BTNL9: variants seen among roughly 807,000 people sequenced by gnomAD.
The protein encoded by BTNL9 is butyrophilin like 9, also known as butyrophilin-like protein 9.
BTNL9 carries 45 observed loss-of-function variants against 45.8 expected under a neutral mutation model. The observed-to-expected ratio is 0.98, with a 90% CI of 0.77 to 1.26. The LOEUF (loss-of-function observed/expected upper bound fraction) is 1.26. BTNL9 is among the 50% of genes most tolerant of loss of function. BTNL9 has a pLI of 0.00. For synonymous variants in BTNL9, 346 were observed against 330.8 expected, an observed-to-expected ratio of 1.05 and a Z score of -0.50; for missense variants, 784 against 729.7, an observed-to-expected ratio of 1.07 and a Z score of -0.86.
intron 2 of BTNL9, among the ~76,000 whole-genome samples, chr5:181,047,207 C>G (rs945116093): frequency 1.3e-5 from 2 of 152,114 alleles, no homozygotes; most frequent in Non-Finnish European, 2.9e-5. Flanking sequence ...AGCAGCAACT[C>G]TCATGGGAAC....
chr5:181,045,498 C>T lies in BTNL9; in HGVS notation c.9C>T (p.Asp3=), dbSNP rs28677846. Residue 3 remains aspartate (D), a synonymous_variant, in exon 2 of 11, where the codon GAC becomes GAT. Transcript: ENST00000327705. ...CCCACTGCTGACGAGAGATGGTGGA[C>T]CTCTCAGTCTCCCCAGACTCCTTGA... MV[D]LSVSPDSLKP... 0.51 allele frequency: 815,484 copies of T among 1,589,746 alleles called. 212,764 individuals are homozygous for T. The highest frequency in any genetic ancestry group is 0.61 in the African/African-American group (45,033 of 74,238).
chr5:181,059,005 A>T (rs1762021494), intron 10 of BTNL9: 1 of 287,058 alleles, frequency 3.5e-6, no homozygotes, highest in South Asian at 1.3e-4. Flanking sequence ...GAATTCAGGG[A>T]CCTTCCAGTT....
chr5:181,044,093 G>A (rs192014232), intron 1 of BTNL9, among the ~76,000 whole-genome samples: 12 of 152,282 alleles, frequency 7.9e-5, no homozygotes, highest in East Asian at 1.9e-4. Flanking sequence ...CAGCCCATGC[G>A]CCTCACAGGC....
Position 181,055,763 on chromosome 5 carries a change from T to A in BTNL9, c.929-226T>A. The A allele has an allele frequency of 1.4e-6, 1 of 712,206 alleles. No homozygotes were observed. Among genetic ancestry groups the A allele is most frequent in the Non-Finnish European group, 2.5e-6 (1 of 393,634 alleles). The allele number at this position is 712,206 out of a possible 1,614,324, so 44.1% of individuals were successfully genotyped here. On this transcript the variant is annotated intron_variant, in intron 8 of 10. Coordinates refer to ENST00000327705, the MANE Select transcript of BTNL9 (RefSeq NM_152547.5). This position sits in a 1 kb window ranked among gnomAD's most constrained non-coding sequence, Gnocchi z 4.4. ...CAGCCTGGGCGACAGAGCGAGACTC[T>A]GTCTCAAAAAAAAAAAGAACTATTT... is the stretch of plus-strand genomic sequence containing the variant.
chr5:181,055,880 A>C lies in BTNL9; in HGVS notation c.929-109A>C. On this transcript the variant is annotated intron_variant, in intron 8 of 10. Coordinates refer to ENST00000327705, the MANE Select transcript of BTNL9 (RefSeq NM_152547.5). The surrounding 1 kb of genome is among the most constrained non-coding windows in gnomAD (Gnocchi z 4.4). ...TGCCCAGGCAGGACCCCTGCTGGCT[A>C]TGTGGGTGGTGGGGGGTGCGGGACA... 1 of 1,265,246 alleles carries C rather than the reference A, an allele frequency of 7.9e-7. No homozygotes were observed. Among genetic ancestry groups the C allele is most frequent in the Non-Finnish European group, 1.2e-6 (1 of 861,992 alleles). The allele number at this position is 1,265,246 out of a possible 1,614,324, so 78.4% of individuals were successfully genotyped here. A position where few individuals can be genotyped will look rare whatever the true frequency, so the allele number is the denominator to read the frequency against.
chr5:181,059,437 C>T lies in BTNL9; in HGVS notation c.1183C>T (p.Arg395Cys). The change falls in exon 11 of 11, where the codon CGC (arginine) becomes TGC (cysteine). Residue 395 changes from arginine to cysteine, a missense_variant. Transcript: ENST00000327705. The stretch of plus-strand genomic sequence containing the variant: ...GGAGGTGCACGTGGGCCGCCGCAGC[C>T]GCTGGTTCCTGGGCGCCTGCCTGGC... The part of the protein sequence containing the change: ...YWEVHVGRRS[R>C]WFLGACLAAV... 1 of 1,474,666 alleles carries T rather than the reference C, an allele frequency of 6.8e-7. No homozygotes were observed. Among genetic ancestry groups the T allele is most frequent in the East Asian group, 2.9e-5 (1 of 33,902 alleles). 91.3% of individuals were successfully genotyped at this position (1,474,666 alleles called of 1,614,324 possible).
chr5:181,051,052 C>A (rs1272494830), intron 4 of BTNL9, among the ~76,000 whole-genome samples: 1 of 146,956 alleles, frequency 6.8e-6, no homozygotes, highest in South Asian at 2.2e-4. Flanking sequence ...GCACTCCAGC[C>A]TGGGCAACAG....
Position 181,059,258 on chromosome 5 carries a change from C to A in BTNL9, c.1004C>A (p.Ala335Asp). 1 of 1,563,276 alleles carries A rather than the reference C, an allele frequency of 6.4e-7. No homozygotes were observed. Reference sequence around the variant, plus strand: ...GCAGTGGATGTGACGCTGGACCCGGCCTCGGCGCACCCCAGCCTGGAGGTG... The same window carrying A: ...GCAGTGGATGTGACGCTGGACCCGGACTCGGCGCACCCCAGCCTGGAGGTG... ...KYAVDVTLDP[A>D]SAHPSLEVSE... Residue 335 changes from alanine to aspartate, a missense_variant, in exon 11 of 11, where the codon GCC becomes GAC. Transcript: ENST00000327705.
Position 181,045,573 on chromosome 5 carries a change from C to G in BTNL9, c.84C>G (p.Leu28=), listed in dbSNP as rs201199198. The G allele has an allele frequency of 1.6e-5, 26 of 1,612,626 alleles. No homozygotes were observed. Among genetic ancestry groups the G allele is most frequent in the Non-Finnish European group, 2.2e-5 (26 of 1,179,332 alleles). The change falls in exon 2 of 11, where the codon CTC becomes CTG. Residue 28 remains leucine, a synonymous_variant. Transcript: ENST00000327705. ...TTGTCTTCCTCATGCACCTCCTCCT[C>G]CTTCAGCCTGGGGAGCCGAGCTCAG... ...SSLVFLMHLL[L]LQPGEPSSEV... is the part of the protein sequence containing the mutation.
chr5:181,045,152 C>T (rs1423997783), intron 1 of BTNL9, among the ~76,000 whole-genome samples: 2 of 152,216 alleles, frequency 1.3e-5, no homozygotes, highest in Admixed American at 1.3e-4. Flanking sequence ...TGAGCCCCCA[C>T]ACATTGTGTG....
chr5:181,051,588 G>C (rs901465271), intron 4 of BTNL9, among the ~76,000 whole-genome samples: 1 of 152,148 alleles, frequency 6.6e-6, no homozygotes, highest in African/African-American at 2.4e-5. Context: ...ACAACTTGGA[G>C]CCACGCAGCT....
intron 1 of BTNL9, among the ~76,000 whole-genome samples, chr5:181,043,700 T>C (rs1039453475): frequency 1.3e-5 from 2 of 152,206 alleles, no homozygotes; most frequent in Non-Finnish European, 2.9e-5. Flanking sequence ...CTCTAACCTG[T>C]GTCTAGAATC....
intron 2 of BTNL9, among the ~76,000 whole-genome samples, chr5:181,047,080 T>C (rs7709346): frequency 0.59 from 90,105 of 151,970 alleles, 27,536 homozygotes; most frequent in African/African-American, 0.74. Flanking sequence ...AAGAGAGCTT[T>C]GGGATGGAGT....
Position 181,059,793 on chromosome 5 carries a change from CG to C in BTNL9, c.1540del (p.Glu514LysfsTer76). ...PLPVRGTGVPEENDSDTWLQP... is the reference protein window; with the variant it reads ...PLPVRGTGVPXENDSDTWLQP... Reference sequence around the variant, plus strand: ...TGCCGGTTAGAGGGACGGGCGTCCCCGAAGAGAACGACAGTGACACCTGGCT... The same window carrying C: ...TGCCGGTTAGAGGGACGGGCGTCCCCAAGAGAACGACAGTGACACCTGGCT... On this transcript the variant is annotated frameshift_variant, in exon 11 of 11. Coordinates refer to ENST00000327705, the MANE Select transcript of BTNL9 (RefSeq NM_152547.5). LOFTEE classifies it low-confidence loss of function (END_TRUNC). 1 of 1,604,046 alleles carries C rather than the reference CG, an allele frequency of 6.2e-7. No individual in the cohort carries two copies. The highest frequency in any genetic ancestry group is 8.5e-7 in the Non-Finnish European group (1 of 1,178,772).
rs768657173 is a variant in BTNL9 at position 181,049,880 on chromosome 5, C to T, written c.455-208C>T. Among the ~76,000 whole-genome samples the T allele has an allele frequency of 2.6e-5, 4 of 152,258 alleles. 1 individual carries two copies. Among genetic ancestry groups the T allele is most frequent in the Non-Finnish European group, 5.9e-5 (4 of 68,048 alleles). The stretch of plus-strand genomic sequence containing the variant: ...CCCCTTCACATTTCCAAATGTCCCT[C>T]AGGGGCATTACTGTCCCCACATGCT... On this transcript the variant is annotated intron_variant, in intron 3 of 10. Coordinates refer to ENST00000327705, the MANE Select transcript of BTNL9 (RefSeq NM_152547.5).
rs769879741 is a variant in BTNL9 at position 181,050,292 on chromosome 5, G to A, written c.659G>A (p.Gly220Glu). 2.5e-6 allele frequency: 4 copies of A among 1,614,120 alleles called. No homozygotes were observed. Among genetic ancestry groups the A allele is most frequent in the East Asian group, 2.2e-5 (1 of 44,890 alleles). ...GAAACATCTGTGGTTGTCCGAGCGG[G>A]AGCCCTCAGCAATGTGTCCGTCTCC... ...SLETSVVVRA[G>E]ALSNVSVSIQ... Residue 220 changes from glycine to glutamate, a missense_variant, in exon 4 of 11, where the codon GGA becomes GAA. By Grantham distance (98) the Gly-to-Glu change is moderately conservative. Transcript: ENST00000327705. The surrounding 1 kb of genome is among the most constrained non-coding windows in gnomAD (Gnocchi z 4.9).
rs990081067 is a variant in BTNL9 at position 181,053,392 on chromosome 5, C to G, written c.853+76C>G. ...CCGGGGCCGCGGAGGCGCCTCCCCC[C>G]AGGACGCGGCGCGGGAAGGCGGCCT... On this transcript the variant is annotated intron_variant, in intron 5 of 10. Transcript: ENST00000327705. This position sits in a 1 kb window ranked among gnomAD's most constrained non-coding sequence, Gnocchi z 6.5. 2.0e-6 allele frequency: 3 copies of G among 1,529,180 alleles called. No individual in the cohort carries two copies. Among genetic ancestry groups the G allele is most frequent in the Non-Finnish European group, 2.6e-6 (3 of 1,136,584 alleles). 94.7% of individuals were successfully genotyped at this position (1,529,180 alleles called of 1,614,324 possible).
intron 4 of BTNL9, among the ~76,000 whole-genome samples, chr5:181,052,312 G>A (rs1303588489): frequency 1.3e-5 from 2 of 152,146 alleles, no homozygotes; most frequent in East Asian, 3.9e-4. Context: ...GGGCGCCAGG[G>A]GCTTGGGCGT....
intron 7 of BTNL9, 106 bp downstream of exon 7, chr5:181,054,365 C>T (rs559398577): frequency 1.5e-4 from 236 of 1,561,860 alleles, no homozygotes; most frequent in Non-Finnish European, 1.6e-5. Flanking sequence ...CTATCTAATT[C>T]TAAACCATCC....
Sources: gnomAD v4.1 joint callset for allele counts (sites outside exome capture counted in the v4.1 genomes callset) on GRCh38, gnomAD v4.1.1 for gene constraint, Gnocchi (gnomAD v3.1) non-coding constraint, MANE v1.5 for transcripts, NCBI Gene and HGNC (gene_info 2026-07-23, HGNC 2026-07-21) for gene names.